Variants in C5 observed in about 807,000 individuals in gnomAD.
C5 encodes C3 and PZP-like alpha-2-macroglobulin domain-containing protein 4.
A neutral mutation model predicts 218.8 loss-of-function variants in C5; 140 were observed. The ratio of observed to expected loss-of-function variants is 0.64; its 90% CI spans 0.56 to 0.74. The LOEUF is 0.74. Among genes scored for constraint, C5 ranks in the 30% least tolerant of loss-of-function variants. The probability of loss-of-function intolerance (pLI) is 0.00; values close to 1 mark genes in which losing one functional copy is unlikely to be tolerated. For synonymous variants in C5, 614 were observed against 682.3 expected, an observed-to-expected ratio of 0.90 and a Z score of 1.56; for missense variants, 1,700 against 1,969.6, an observed-to-expected ratio of 0.86 and a Z score of 2.59.
chr9:120,960,201 C>T, intron 38 of C5, 47 bp downstream of exon 38: 1 of 1,178,266 alleles, frequency 8.5e-7, no homozygotes, highest in Non-Finnish European at 1.3e-6. Flanking sequence ...AACACATATT[C>T]ATAAAATTTC....
chr9:120,964,503 T>C (rs1184113253), intron 33 of C5, among the ~76,000 whole-genome samples: 1 of 152,166 alleles, frequency 6.6e-6, no homozygotes, highest in African/African-American at 2.4e-5. Context: ...CCACAAATAT[T>C]AGTAGCTACT....
At chr9:121,051,047 C>T (rs541079261), upstream of C5, among the ~76,000 whole-genome samples, 1 of 151,962 alleles carries the variant, frequency 6.6e-6, no homozygotes, top group Non-Finnish European at 1.5e-5. Flanking sequence ...AATATAAGAG[C>T]TCCAGAAAAA....
At chr9:121,067,406 C>CA in the C5 span, among the ~76,000 whole-genome samples, 8 of 150,756 alleles carry the variant, frequency 5.3e-5, no homozygotes, top group South Asian at 6.3e-4. Flanking sequence ...ACTAAAAATA[C>CA]AAAAAAAATT....
chr9:121,025,629 A>T, intron 8 of C5, 49 bp from the exon 9 acceptor site: 1 of 1,572,884 alleles, frequency 6.4e-7, no homozygotes, highest in Non-Finnish European at 8.7e-7. Context: ...AGAACTTATA[A>T]GGAAAAATTA....
At chr9:121,041,518 T>G (rs576786011) in intron 3 of C5, among the ~76,000 whole-genome samples, 78 of 152,036 alleles carry the variant, frequency 5.1e-4, no homozygotes, top group African/African-American at 1.7e-3. Context: ...TTGGCCAGGC[T>G]GGTCTTAAAC....
chr9:120,989,089 C>T lies in C5; in HGVS notation c.3187G>A (p.Asp1063Asn), dbSNP rs1020082194. 1 of 1,613,982 alleles carries T rather than the reference C, an allele frequency of 6.2e-7. No individual in the cohort carries two copies. The highest frequency in any genetic ancestry group is 1.7e-5 in the Admixed American group (1 of 60,018). The change falls in exon 25 of 41, where the codon GAC becomes AAC. Residue 1063 changes from aspartate to asparagine, a missense_variant. Asp to Asn is a conservative substitution (Grantham distance 23). Transcript: ENST00000223642. ...MLSIMSYRNA[D>N]YSYSVWKGGS... ...CCCTTCCACACACTGTAAGAGTAGT[C>T]AGCATTTCTGTAGGACATAATGCTC...
chr9:121,019,140 T>C (rs1013195586), intron 12 of C5, among the ~76,000 whole-genome samples: 3 of 147,316 alleles, frequency 2.0e-5, no homozygotes, highest in Non-Finnish European at 4.5e-5. Flanking sequence ...GGTTTAAGAT[T>C]AAAAAAAAAA....
chr9:121,057,341 C>A, the C5 span, among the ~76,000 whole-genome samples: 1 of 152,052 alleles, frequency 6.6e-6, no homozygotes, highest in Non-Finnish European at 1.5e-5. Flanking sequence ...ACTGTAATTG[C>A]AGTATGTAAA....
chr9:121,066,303 C>A, the C5 span, among the ~76,000 whole-genome samples: 1 of 92,216 alleles, frequency 1.1e-5, no homozygotes, highest in Non-Finnish European at 2.0e-5. Context: ...CAGAGCGAGA[C>A]TCCATCTTAA....
chr9:121,064,516 G>T, the C5 span, among the ~76,000 whole-genome samples: 2 of 152,094 alleles, frequency 1.3e-5, no homozygotes, highest in Non-Finnish European at 1.5e-5. Flanking sequence ...ATATGTGATA[G>T]AATCTGATAT....
chr9:120,961,560 G>A lies in C5; in HGVS notation c.4510C>T (p.Gln1504Ter), dbSNP rs1333171351. The A allele has an allele frequency of 6.2e-7, 1 of 1,606,760 alleles. No homozygotes were observed. Among genetic ancestry groups the A allele is most frequent in the Non-Finnish European group, 8.5e-7 (1 of 1,173,292 alleles). The stretch of plus-strand genomic sequence containing the variant: ...GAAGTGCTATAAAACATGGTACACT[G>A]TTTATCTGTGGCAACAAAAGTGTGG... ...TVYEYHRPDK[Q>*]CTMFYSTSNI... The change falls in exon 37 of 41, where the codon CAG (glutamine) becomes TAG (stop). Residue 1504 changes from glutamine to a stop codon, truncating the protein, a stop_gained. Coordinates refer to ENST00000223642, the MANE Select transcript of C5 (RefSeq NM_001735.3). LOFTEE classifies it high-confidence loss of function.
chr9:121,009,067 A>T (rs2047240495), intron 17 of C5, among the ~76,000 whole-genome samples: 1 of 152,234 alleles, frequency 6.6e-6, no homozygotes, highest in Non-Finnish European at 1.5e-5. Flanking sequence ...CTGAGATTAT[A>T]CAAGATATCG....
At chr9:121,025,377 A>G in intron 9 of C5, 77 bp downstream of exon 9, 2 of 1,361,822 alleles carry the variant, frequency 1.5e-6, no homozygotes, top group East Asian at 2.7e-5. Context: ...GAAATTATTT[A>G]TATCTTTAAT....
intron 40 of C5, 25 bp downstream of exon 40, chr9:120,953,705 T>A: frequency 6.2e-7 from 1 of 1,612,658 alleles, no homozygotes; most frequent in Non-Finnish European, 8.5e-7. Flanking sequence ...GGAAGATCAG[T>A]GACTGAAAAA....
intron 8 of C5, among the ~76,000 whole-genome samples, chr9:121,026,178 TTAA>T (rs759771931): frequency 1.6e-4 from 25 of 152,178 alleles, no homozygotes; most frequent in Admixed American, 1.2e-3. Flanking sequence ...ACATCTTGAA[TTAA>T]TAAGATTGTA....
chr9:121,003,963 G>A (rs1409581272), intron 20 of C5, among the ~76,000 whole-genome samples: 1 of 152,078 alleles, frequency 6.6e-6, no homozygotes, highest in African/African-American at 2.4e-5. Flanking sequence ...CCGCCTCCCG[G>A]GTTCACGCCA....
chr9:121,050,610 C>T (rs36223102), upstream of C5, among the ~76,000 whole-genome samples: 1,204 of 152,314 alleles, frequency 7.9e-3, 19 homozygotes, highest in African/African-American at 0.027. Flanking sequence ...TGCAAGCATA[C>T]ATCTGGCAGG....
intron 4 of C5, 148 bp downstream of exon 4, chr9:121,037,733 G>T (rs373275725): frequency 1.7e-5 from 8 of 479,282 alleles, no homozygotes; most frequent in South Asian, 1.4e-4. Context: ...CAGAGGTATA[G>T]ATCTATGATT....
rs998520734 is a variant in C5, at chr9:121,034,242, G to A, written c.584+561C>T. On this transcript the variant is annotated intron_variant, in intron 5 of 40. Transcript: ENST00000223642. ...GCCTATTACAAATTTCTTGAAAGCA[G>A]GGACTGTGGATTATTTATTTTGTAT... Among the ~76,000 whole-genome samples, 7 of 152,100 alleles carry A rather than the reference G, an allele frequency of 4.6e-5. No homozygotes were observed. In the South Asian group the frequency reaches 1.0e-3, roughly 23 times the overall value.
Sources: gnomAD v4.1 joint callset for allele counts (sites outside exome capture counted in the v4.1 genomes callset) on GRCh38, gnomAD v4.1.1 for gene constraint, MANE v1.5 for transcripts, NCBI Gene and HGNC (gene_info 2026-07-23, HGNC 2026-07-21) for gene names.